Variants in ITGA8 observed in about 807,000 individuals in gnomAD.
ITGA8 encodes integrin subunit alpha 8.
Under a neutral mutation model 142.3 loss-of-function variants are expected in ITGA8, and 91 were observed. The ratio of observed to expected loss-of-function variants is 0.64; its 90% confidence interval spans 0.54 to 0.76. ITGA8 has a LOEUF of 0.76. Among genes scored for constraint, ITGA8 ranks in the 30% least tolerant of loss-of-function variants. ITGA8 has a pLI of 0.00. For synonymous variants in ITGA8, 505 were observed against 485.2 expected (o/e 1.04, Z -0.54); for missense variants, 1,406 against 1,327.7 (o/e 1.06, Z -0.92).
intron 22 of ITGA8, among the ~76,000 whole-genome samples, chr10:15,587,110 A>G (rs1027927263): frequency 1.3e-5 from 2 of 151,930 alleles, no homozygotes; most frequent in African/African-American, 4.8e-5. Context: ...TTTAGTAAAG[A>G]CGGGGTTTCA....
chr10:15,714,945 C>T (rs959023684), intron 2 of ITGA8, among the ~76,000 whole-genome samples: 19 of 152,088 alleles, frequency 1.2e-4, no homozygotes, highest in East Asian at 1.9e-4. Flanking sequence ...ATTCAGATGT[C>T]GTAGTAAAAG....
At chr10:15,550,447 G>T (rs1186096570) in intron 26 of ITGA8, among the ~76,000 whole-genome samples, 1 of 152,164 alleles carries the variant, frequency 6.6e-6, no homozygotes, top group African/African-American at 2.4e-5. Context: ...CTGCCCTTCA[G>T]AGGGAAGAGG....
intron 25 of ITGA8, 63 bp from the exon 26 acceptor site, chr10:15,558,265 A>G (rs1833919396): frequency 6.3e-7 from 1 of 1,592,178 alleles, no homozygotes; most frequent in East Asian, 2.2e-5. Flanking sequence ...CATTTTCTTT[A>G]GCCTTGAACT....
At chr10:15,717,799 G>A (rs900960964) in intron 2 of ITGA8, among the ~76,000 whole-genome samples, 1 of 152,120 alleles carries the variant, frequency 6.6e-6, no homozygotes, top group Non-Finnish European at 1.5e-5. Context: ...ATAGTAACAA[G>A]TAAACATCAT....
At position 15,609,166 on chromosome 10, in the gene ITGA8, G is replaced by A. The variant is rs1833249012; in HGVS notation, c.1554-876C>T. 2.0e-5 allele frequency among the ~76,000 whole-genome samples: 3 copies of A among 152,024 alleles called. No homozygotes were observed. The South Asian group carries it at 6.2e-4, about 32-fold the overall frequency. On this transcript the variant is annotated intron_variant, in intron 15 of 29. Coordinates refer to ENST00000378076, the MANE Select transcript of ITGA8 (RefSeq NM_003638.3). ...TGTGGCTACAGATGGAATGAGAGAC[G>A]ACTGACTCCCTGGCTGCCTTTGTTG...
intron 8 of ITGA8, among the ~76,000 whole-genome samples, chr10:15,670,725 A>G (rs1289367583): frequency 6.6e-6 from 1 of 151,950 alleles, no homozygotes. Context: ...CATTATATTT[A>G]CTCCTCAGCT....
intron 26 of ITGA8, among the ~76,000 whole-genome samples, chr10:15,549,810 T>G (rs1322524983): frequency 1.3e-5 from 2 of 152,212 alleles, no homozygotes; most frequent in African/African-American, 4.8e-5. Context: ...CAAGAACCTT[T>G]TTCGAGAACA....
intron 26 of ITGA8, among the ~76,000 whole-genome samples, chr10:15,556,412 C>T (rs2131565457): frequency 6.6e-6 from 1 of 152,256 alleles, no homozygotes; most frequent in South Asian, 2.1e-4. Flanking sequence ...CCACAAATCA[C>T]TGCATCTTGG....
intron 25 of ITGA8, among the ~76,000 whole-genome samples, chr10:15,564,131 C>T (rs1213584478): frequency 1.3e-5 from 2 of 152,182 alleles, no homozygotes; most frequent in African/African-American, 2.4e-5. Flanking sequence ...TGGAACACAT[C>T]TCTTTCTTTT....
At chr10:15,587,543 C>A (rs1308604703) in intron 22 of ITGA8, among the ~76,000 whole-genome samples, 1 of 152,200 alleles carries the variant, frequency 6.6e-6, no homozygotes. Flanking sequence ...CATATATTCA[C>A]TGCATACTCA....
At chr10:15,551,785 C>T (rs1833796762) in intron 26 of ITGA8, among the ~76,000 whole-genome samples, 1 of 152,058 alleles carries the variant, frequency 6.6e-6, no homozygotes, top group Non-Finnish European at 1.5e-5. Flanking sequence ...GAATAAACTT[C>T]GCATAATCAC....
At chr10:15,593,394 T>C (rs1201899251) in intron 21 of ITGA8, among the ~76,000 whole-genome samples, 2 of 152,164 alleles carry the variant, frequency 1.3e-5, no homozygotes, top group African/African-American at 4.8e-5. Flanking sequence ...AAAAGCACTC[T>C]GGGGTAGGAG....
chr10:15,700,740 A>G (rs138012160), intron 2 of ITGA8, among the ~76,000 whole-genome samples: 1 of 152,124 alleles, frequency 6.6e-6, no homozygotes, highest in African/African-American at 2.4e-5. Flanking sequence ...AAACAATCCC[A>G]TCAAAAAGTG....
chr10:15,520,481 G>C (rs1039966707), intron 28 of ITGA8, among the ~76,000 whole-genome samples: 1 of 152,090 alleles, frequency 6.6e-6, no homozygotes, highest in African/African-American at 2.4e-5. Flanking sequence ...ATTTCATCCC[G>C]CACTGTTGCA....
At chr10:15,683,637 A>G (rs1834782359) in intron 4 of ITGA8, among the ~76,000 whole-genome samples, 1 of 152,242 alleles carries the variant, frequency 6.6e-6, no homozygotes, top group Admixed American at 6.5e-5. Context: ...CCCAGGTCCA[A>G]CCATGCTAGC....
chr10:15,658,765 G>T (rs372925650), intron 10 of ITGA8, among the ~76,000 whole-genome samples: 13 of 152,092 alleles, frequency 8.5e-5, no homozygotes, highest in Non-Finnish European at 1.3e-4. Flanking sequence ...ACATTTATTT[G>T]CTTGTTAATA....
chr10:15,571,480 A>T (rs992475059), intron 25 of ITGA8, among the ~76,000 whole-genome samples: 1 of 152,216 alleles, frequency 6.6e-6, no homozygotes, highest in Admixed American at 6.5e-5. Context: ...GCTTATGCTA[A>T]TTAATTTCTT....
chr10:15,565,926 G>A (rs942324120), intron 25 of ITGA8, among the ~76,000 whole-genome samples: 4 of 151,912 alleles, frequency 2.6e-5, no homozygotes, highest in South Asian at 2.1e-4. Context: ...GTGTGTGTGC[G>A]CACGCGTGAG....
chr10:15,517,277 T>C, intron 29 of ITGA8, 33 bp from the exon 30 acceptor site: 2 of 1,456,616 alleles, frequency 1.4e-6, no homozygotes, highest in Non-Finnish European at 1.9e-6. Context: ...TAAAATCACG[T>C]CATTCTGGGA....
Sources: allele counts gnomAD v4.1 joint callset (sites outside exome capture counted in the v4.1 genomes callset), GRCh38; gene constraint gnomAD v4.1.1; transcripts MANE v1.5; gene names NCBI Gene and HGNC (gene_info 2026-07-23, HGNC 2026-07-21).